ANKS6: variants seen among roughly 807,000 people sequenced by gnomAD.
ANKS6 encodes ankyrin repeat and sterile alpha motif domain containing 6, also known as ankyrin repeat and SAM domain-containing protein 6.
In ANKS6, 47 loss-of-function variants were observed where a neutral mutation model predicts 77.9. The observed-to-expected ratio is 0.60, with a 90% CI of 0.48 to 0.77. The LOEUF (loss-of-function observed/expected upper bound fraction) is 0.77, where lower values mean the gene tolerates loss of function less well. Ranked by LOEUF, ANKS6 falls within the 30% of genes least tolerant of loss-of-function variation. The pLI is 0.00. For synonymous variants in ANKS6, 488 were observed against 501.7 expected (o/e 0.97, Z 0.37); for missense variants, 1,150 against 1,159.1 (o/e 0.99, Z 0.11).
chr9:98,792,629 A>G (rs1834962996), intron 1 of ANKS6, among the ~76,000 whole-genome samples: 1 of 152,242 alleles, frequency 6.6e-6, no homozygotes, highest in Non-Finnish European at 1.5e-5. Flanking sequence ...AGCATGAGAT[A>G]AAATCTAGCA....
chr9:98,756,320 C>A (rs1832696469), intron 12 of ANKS6, 100 bp downstream of exon 12: 2 of 1,326,148 alleles, frequency 1.5e-6, no homozygotes, highest in South Asian at 1.5e-5. Flanking sequence ...AAAACCTGAC[C>A]TAGGATGGTT....
chr9:98,775,647 T>A (rs925337379), intron 8 of ANKS6, among the ~76,000 whole-genome samples: 1 of 152,196 alleles, frequency 6.6e-6, no homozygotes, highest in Non-Finnish European at 1.5e-5. Flanking sequence ...CAACATCATA[T>A]CATATTTATA....
chr9:98,748,369 C>T (rs1832256557), intron 13 of ANKS6, among the ~76,000 whole-genome samples: 1 of 152,184 alleles, frequency 6.6e-6, no homozygotes, highest in Non-Finnish European at 1.5e-5. Context: ...GCAGAAATAT[C>T]CCAGTATCCT....
intron 12 of ANKS6, among the ~76,000 whole-genome samples, chr9:98,753,021 G>A (rs1832513605): frequency 6.6e-6 from 1 of 152,088 alleles, no homozygotes; most frequent in African/African-American, 2.4e-5. Flanking sequence ...TTGGTCCACA[G>A]TGGTGTGCTG....
rs561600690 is a variant in ANKS6 at position 98,790,535 on chromosome 9, C to G, written c.431G>C (p.Gly144Ala). The G allele has an allele frequency of 2.0e-5, 33 of 1,613,448 alleles. No individual in the cohort carries two copies. The African/African-American group carries it at 2.9e-4, about 14-fold the overall frequency. ...GADVNAQNRL[G>A]ASVLTVASRG... ...AGAAGCCACAGTGAGCACACTGGCC[C>G]CCAGCCGGTTCTGGGCATTGACATC... Residue 144 changes from glycine to alanine, a missense_variant, in exon 2 of 15, where the codon GGG (glycine) becomes GCG (alanine). Transcript: ENST00000353234.
intron 12 of ANKS6, 96 bp downstream of exon 12, chr9:98,756,324 G>A: frequency 7.4e-7 from 1 of 1,343,568 alleles, no homozygotes; most frequent in Non-Finnish European, 1.0e-6. Flanking sequence ...CCTGACCTAG[G>A]ATGGTTATAG....
intron 13 of ANKS6, among the ~76,000 whole-genome samples, chr9:98,746,828 G>T (rs894153185): frequency 2.0e-5 from 3 of 152,152 alleles, no homozygotes; most frequent in Non-Finnish European, 4.4e-5. Context: ...TCCCCCTGGG[G>T]AGCTGCTATT....
At position 98,750,375 on chromosome 9, in the gene ANKS6, A is replaced by G. The variant is rs531939970; in HGVS notation, c.2394+654T>C. On this transcript the variant is annotated intron_variant, in intron 13 of 14. Coordinates refer to ENST00000353234, the MANE Select transcript of ANKS6 (RefSeq NM_173551.5). ...AGTATTTCATTCTTTTCATGGCCAA[A>G]TAACATTCCATGGCACAGGCATATT... 2.0e-4 allele frequency among the ~76,000 whole-genome samples: 31 copies of G among 152,370 alleles called. 1 individual carries two copies. Among genetic ancestry groups the G allele is most frequent in the Admixed American group, 1.2e-3 (19 of 15,308 alleles).
chr9:98,748,545 G>T (rs1377791039), intron 13 of ANKS6, among the ~76,000 whole-genome samples: 1 of 152,134 alleles, frequency 6.6e-6, no homozygotes. Flanking sequence ...GGGACTTTGG[G>T]GAAGTCTCTT....
rs77689191 is a variant in ANKS6, at chr9:98,792,446, T to C, written c.360-1840A>G. Among the ~76,000 whole-genome samples, 1,348 of 152,282 alleles carry C rather than the reference T, an allele frequency of 8.9e-3. 21 individuals are homozygous for C. Among genetic ancestry groups the C allele is most frequent in the African/African-American group, 0.031 (1,276 of 41,542 alleles). On this transcript the variant is annotated intron_variant, in intron 1 of 14. Coordinates refer to ENST00000353234, the MANE Select transcript of ANKS6 (RefSeq NM_173551.5). Reference sequence around the variant, plus strand: ...ATTGTTTCCCCAGCCCCTACCATAGTGGCTGATCCACATCGGAGCTCAGTA... The same window carrying C: ...ATTGTTTCCCCAGCCCCTACCATAGCGGCTGATCCACATCGGAGCTCAGTA...
chr9:98,786,395 G>C (rs548769358), intron 2 of ANKS6, among the ~76,000 whole-genome samples: 1 of 151,592 alleles, frequency 6.6e-6, no homozygotes, highest in Non-Finnish European at 1.5e-5. Flanking sequence ...GGGTTCAAGC[G>C]ATTCTCCTGC....
chr9:98,785,365 A>G (rs995426362), intron 2 of ANKS6, among the ~76,000 whole-genome samples: 1 of 152,242 alleles, frequency 6.6e-6, no homozygotes, highest in African/African-American at 2.4e-5. Context: ...GCCAATGCTC[A>G]TATTTTCTTT....
chr9:98,768,935 G>C (rs949024972), intron 10 of ANKS6, among the ~76,000 whole-genome samples: 6 of 152,098 alleles, frequency 3.9e-5, no homozygotes, highest in Non-Finnish European at 8.8e-5. Context: ...AGACCAGCCT[G>C]GCCAACATGG....
chr9:98,744,048 G>A (rs1037250426), intron 14 of ANKS6, among the ~76,000 whole-genome samples: 3 of 152,158 alleles, frequency 2.0e-5, no homozygotes, highest in Admixed American at 2.0e-4. Context: ...TGCTGGTCCG[G>A]AAGTCAGGCA....
At chr9:98,761,095 T>C (rs1373314370) in intron 11 of ANKS6, among the ~76,000 whole-genome samples, 1 of 152,232 alleles carries the variant, frequency 6.6e-6, no homozygotes, top group Non-Finnish European at 1.5e-5. Context: ...TATAGCTCTA[T>C]CTTAATTATG....
At position 98,743,996 on chromosome 9, in the gene ANKS6, C is replaced by G. The variant is rs527883354; in HGVS notation, c.2511+1563G>C. ...GACAACCTCCATACCTGCCTTACCC[C>G]CCTGCCCTCCCCCTTGACATCTAAC... On this transcript the variant is annotated intron_variant, in intron 14 of 14. Coordinates refer to ENST00000353234, the MANE Select transcript of ANKS6 (RefSeq NM_173551.5). 8.5e-5 allele frequency among the ~76,000 whole-genome samples: 13 copies of G among 152,280 alleles called. No individual in the cohort carries two copies. In the South Asian group the frequency reaches 2.5e-3, roughly 29 times the overall value.
At chr9:98,777,081 A>G (rs888627193) in intron 8 of ANKS6, among the ~76,000 whole-genome samples, 1 of 152,116 alleles carries the variant, frequency 6.6e-6, no homozygotes, top group Non-Finnish European at 1.5e-5. Context: ...GACTCCTCTC[A>G]CCCTGGTTCT....
intron 11 of ANKS6, among the ~76,000 whole-genome samples, chr9:98,759,451 A>T (rs1389802611): frequency 6.6e-6 from 1 of 152,156 alleles, no homozygotes; most frequent in African/African-American, 2.4e-5. Flanking sequence ...ACAGCATCAA[A>T]TCCCACAGGT....
Position 98,735,648 on chromosome 9 carries a change from G to C in ANKS6, c.*871C>G, listed in dbSNP as rs1385273771. 4 of 1,231,642 alleles carry C rather than the reference G, an allele frequency of 3.2e-6. No individual in the cohort carries two copies. The African/African-American group carries it at 6.2e-5, about 19-fold the overall frequency. 76.3% of individuals were successfully genotyped at this position (1,231,642 alleles called of 1,614,324 possible). On this transcript the variant is annotated 3_prime_UTR_variant, in exon 15 of 15. Coordinates refer to ENST00000353234, the MANE Select transcript of ANKS6 (RefSeq NM_173551.5). Reference sequence around the variant, plus strand: ...GAAAGCCCTGCAGTGATACAGGTGAGCACTGTGGAGTACCAGAGCATCATC... The same window carrying C: ...GAAAGCCCTGCAGTGATACAGGTGACCACTGTGGAGTACCAGAGCATCATC...
Sources: gnomAD v4.1 joint callset for allele counts (sites outside exome capture counted in the v4.1 genomes callset) on GRCh38, gnomAD v4.1.1 for gene constraint, MANE v1.5 for transcripts, NCBI Gene and HGNC (gene_info 2026-07-23, HGNC 2026-07-21) for gene names.